Variants in SEC23A observed in about 807,000 individuals in gnomAD.
SEC23A encodes the protein SEC23 homolog A, COPII component.
A neutral mutation model predicts 103.7 loss-of-function variants in SEC23A; 56 were observed. The ratio of observed to expected loss-of-function variants is 0.54; its 90% CI spans 0.44 to 0.67. The LOEUF (loss-of-function observed/expected upper bound fraction) is 0.67, where lower values mean the gene tolerates loss of function less well. Among genes scored for constraint, SEC23A ranks in the 30% least tolerant of loss-of-function variants. SEC23A has a pLI of 0.00. For missense variants in SEC23A, 784 were observed against 936.4 expected (o/e 0.84, Z 2.12); for synonymous variants, 281 against 293.0 (o/e 0.96, Z 0.42).
chr14:39,084,309 A>G (rs1379036957), intron 7 of SEC23A, among the ~76,000 whole-genome samples: 6 of 152,142 alleles, frequency 3.9e-5, no homozygotes, highest in Non-Finnish European at 5.9e-5. Flanking sequence ...TACAGGCGTG[A>G]ACCACCGCAC....
At chr14:39,072,776 G>A (rs8009092) in intron 9 of SEC23A, among the ~76,000 whole-genome samples, 140 of 152,156 alleles carry the variant, frequency 9.2e-4, no homozygotes, top group African/African-American at 3.2e-3. Flanking sequence ...ACTGCACCCC[G>A]CACTCCAGCC....
At chr14:39,062,559 G>T (rs555590860) in intron 12 of SEC23A, among the ~76,000 whole-genome samples, 1 of 151,736 alleles carries the variant, frequency 6.6e-6, no homozygotes, top group South Asian at 2.1e-4. Context: ...ATAATGAGAA[G>T]AAACTAATAG....
At position 39,056,785 on chromosome 14, in the gene SEC23A, C is replaced by T. The variant is rs762447959; in HGVS notation, c.1506-1489G>A. Among the ~76,000 whole-genome samples the T allele has an allele frequency of 1.8e-4, 27 of 152,038 alleles. 1 individual carries two copies. The highest frequency in any genetic ancestry group is 3.4e-4 in the Non-Finnish European group (23 of 68,004). On this transcript the variant is annotated intron_variant, in intron 13 of 19. Coordinates refer to ENST00000307712, the MANE Select transcript of SEC23A (RefSeq NM_006364.4). Reference sequence around the variant, plus strand: ...CTCAAATTAGCATTTTTTTAAATCACTAATAGCAGTTTTAGTATAGCATTC... The same window carrying T: ...CTCAAATTAGCATTTTTTTAAATCATTAATAGCAGTTTTAGTATAGCATTC...
intron 8 of SEC23A, among the ~76,000 whole-genome samples, chr14:39,075,689 TTC>T (rs1886989528): frequency 1.3e-5 from 2 of 152,200 alleles, no homozygotes; most frequent in Admixed American, 6.5e-5. Flanking sequence ...CATAGAATGT[TTC>T]TCTCAGTAAT....
chr14:39,055,867 C>T (rs1191456248), intron 13 of SEC23A, among the ~76,000 whole-genome samples: 1 of 152,236 alleles, frequency 6.6e-6, no homozygotes, highest in Non-Finnish European at 1.5e-5. Context: ...TTTTCTATAA[C>T]TAGCAACTTC....
At chr14:39,039,243 T>G (rs1189142342) in intron 18 of SEC23A, 147 bp from the exon 19 acceptor site, 1 of 681,452 alleles carries the variant, frequency 1.5e-6, no homozygotes, top group Non-Finnish European at 2.5e-6. Context: ...GATTAAACTT[T>G]GAAATGTATA....
chr14:39,065,608 G>A (rs1886631883), intron 10 of SEC23A, among the ~76,000 whole-genome samples: 1 of 152,044 alleles, frequency 6.6e-6, no homozygotes, highest in Non-Finnish European at 1.5e-5. Context: ...TACTCTCACT[G>A]GGCAGTTTTC....
intron 14 of SEC23A, among the ~76,000 whole-genome samples, chr14:39,049,574 T>C (rs913752522): frequency 4.6e-5 from 7 of 151,740 alleles, no homozygotes; most frequent in African/African-American, 1.7e-4. Context: ...CCCAGGAGTT[T>C]GAGACCAGCT....
chr14:39,064,047 C>T (rs1886572154), intron 11 of SEC23A, among the ~76,000 whole-genome samples: 1 of 150,866 alleles, frequency 6.6e-6, no homozygotes, highest in East Asian at 1.9e-4. Flanking sequence ...GAAGTAATTG[C>T]AACTAACATT....
intron 11 of SEC23A, among the ~76,000 whole-genome samples, chr14:39,063,617 T>G (rs1183823548): frequency 6.6e-6 from 1 of 152,136 alleles, no homozygotes; most frequent in Non-Finnish European, 1.5e-5. Flanking sequence ...AAAATAATTT[T>G]TACATAATAA....
chr14:39,084,985 TAATAA>T (rs1274009874), intron 7 of SEC23A, among the ~76,000 whole-genome samples: 1 of 152,150 alleles, frequency 6.6e-6, no homozygotes, highest in Non-Finnish European at 1.5e-5. Flanking sequence ...TTTTGTATGT[TAATAA>T]AATGACTCCT....
chr14:39,095,827 A>T, intron 2 of SEC23A, 71 bp downstream of exon 2: 1 of 1,207,184 alleles, frequency 8.3e-7, no homozygotes, highest in Non-Finnish European at 1.2e-6. Context: ...GATTTTTATA[A>T]AAATATGCAG....
At chr14:39,056,358 C>T (rs889143497) in intron 13 of SEC23A, among the ~76,000 whole-genome samples, 2 of 152,232 alleles carry the variant, frequency 1.3e-5, no homozygotes, top group South Asian at 4.1e-4. Context: ...GTCTTGAACT[C>T]CTGACCTCAA....
intron 7 of SEC23A, among the ~76,000 whole-genome samples, chr14:39,076,453 A>T (rs1470713301): frequency 3.5e-5 from 5 of 142,618 alleles, no homozygotes; most frequent in Admixed American, 1.4e-4. Context: ...TTTTTTTTAG[A>T]GACAAGGTCT....
At position 39,076,657 on chromosome 14, in the gene SEC23A, G is replaced by A. The variant is rs566287530; in HGVS notation, c.829-564C>T. ...AACAAAAAAAAAGGCCAGGCGTGGT[G>A]GCTCGCACTTGTAATCCCAGCACTT... On this transcript the variant is annotated intron_variant, in intron 7 of 19. Transcript: ENST00000307712. Among the ~76,000 whole-genome samples, 37 of 152,108 alleles carry A rather than the reference G, an allele frequency of 2.4e-4. 1 individual carries two copies. The highest frequency in any genetic ancestry group is 8.7e-4 in the African/African-American group (36 of 41,516).
intron 16 of SEC23A, among the ~76,000 whole-genome samples, chr14:39,044,155 T>G (rs552003305): frequency 6.6e-6 from 1 of 152,234 alleles, no homozygotes; most frequent in Non-Finnish European, 1.5e-5. Context: ...CCTAAGAACA[T>G]GAAGCTGATA....
intron 15 of SEC23A, among the ~76,000 whole-genome samples, chr14:39,047,208 T>A (rs184467246): frequency 6.6e-6 from 1 of 152,318 alleles, no homozygotes; most frequent in East Asian, 1.9e-4. Context: ...GATGGAAATG[T>A]CCAGATCTCT....
At chr14:39,093,570 G>C (rs1004047185) in intron 2 of SEC23A, among the ~76,000 whole-genome samples, 1 of 152,104 alleles carries the variant, frequency 6.6e-6, no homozygotes, top group African/African-American at 2.4e-5. Flanking sequence ...GACCAGCTTG[G>C]GCAATATGGT....
chr14:39,079,331 C>A (rs542696375), intron 7 of SEC23A, among the ~76,000 whole-genome samples: 1 of 152,212 alleles, frequency 6.6e-6, no homozygotes, highest in East Asian at 1.9e-4. Flanking sequence ...ATGACTTTTA[C>A]ATATGAAAGT....
Sources: gnomAD v4.1 joint callset for allele counts (sites outside exome capture counted in the v4.1 genomes callset) on GRCh38, gnomAD v4.1.1 for gene constraint, MANE v1.5 for transcripts, NCBI Gene and HGNC (gene_info 2026-07-23, HGNC 2026-07-21) for gene names.